RMDN2: variants seen among roughly 807,000 people sequenced by gnomAD.
The protein encoded by RMDN2 is regulator of microtubule dynamics protein 2.
Under a neutral mutation model 52.8 loss-of-function variants are expected in RMDN2, and 61 were observed. The ratio of observed to expected loss-of-function variants is 1.16; its 90% CI spans 0.94 to 1.43. The LOEUF (loss-of-function observed/expected upper bound fraction) is 1.43. Among genes scored for constraint, RMDN2 ranks in the 40% most tolerant of loss-of-function variants. RMDN2 has a pLI of 0.00. For synonymous variants in RMDN2, 180 were observed against 153.1 expected, an observed-to-expected ratio of 1.18 and a Z score of -1.30; for missense variants, 592 against 475.3, an observed-to-expected ratio of 1.25 and a Z score of -2.28.
chr2:37,923,418 C>T (rs1666087049), upstream of RMDN2: 2 of 152,212 alleles, frequency 1.3e-5, no homozygotes, highest in African/African-American at 4.8e-5. Context: ...AAAGCCTCTT[C>T]TGTGCAATGT....
At chr2:38,006,295 G>C (rs1237741574) in intron 10 of RMDN2, among the ~76,000 whole-genome samples, 3 of 152,112 alleles carry the variant, frequency 2.0e-5, no homozygotes, top group Non-Finnish European at 4.4e-5. Flanking sequence ...ACCTTGGTCA[G>C]TATGGCCATT....
At chr2:37,923,014 C>T (rs1157556935), upstream of RMDN2, among the ~76,000 whole-genome samples, 1 of 152,172 alleles carries the variant, frequency 6.6e-6, no homozygotes, top group Admixed American at 6.5e-5. Context: ...ATTGTCATGC[C>T]GTACTGGTTT....
intron 10 of RMDN2, among the ~76,000 whole-genome samples, chr2:38,022,987 G>T (rs1432909169): frequency 6.6e-6 from 1 of 152,174 alleles, no homozygotes. Context: ...GGCTGTTTAT[G>T]TTTAATTGAT....
chr2:37,951,222 C>T (rs1287396239), intron 2 of RMDN2: 4 of 1,543,646 alleles, frequency 2.6e-6, no homozygotes, highest in Middle Eastern at 1.7e-4. Context: ...TGACCCTTTT[C>T]TCACTCTTAG....
In RMDN2 at chr2:37,990,472, T is replaced by C. The variant is rs1322293673; in HGVS notation, c.868-748T>C. On this transcript the variant is annotated intron_variant, in intron 6 of 10. Transcript: ENST00000354545. ...AGGCGGAGGTTGCAGTGAGCCATGA[T>C]CATGCCACTGCACTCGAGCCTGGGC... Among the ~76,000 whole-genome samples the C allele has an allele frequency of 4.0e-5, 5 of 123,628 alleles. No individual in the cohort carries two copies. In the East Asian group the frequency reaches 1.4e-3, roughly 33 times the overall value. The allele number at this position is 123,628 out of a possible 152,430, so 81.1% of individuals were successfully genotyped here.
At chr2:38,020,072 C>G (rs964354555), downstream of RMDN2, among the ~76,000 whole-genome samples, 1 of 152,164 alleles carries the variant, frequency 6.6e-6, no homozygotes, top group Non-Finnish European at 1.5e-5. Context: ...TGGTCCCCAA[C>G]CTTTTTTGGC....
At chr2:37,978,869 G>A (rs1045705915) in intron 4 of RMDN2, among the ~76,000 whole-genome samples, 2 of 152,212 alleles carry the variant, frequency 1.3e-5, no homozygotes, top group African/African-American at 2.4e-5. Flanking sequence ...GATGGCAGAG[G>A]ATGGAGGTTG....
chr2:37,945,061 C>CAATA (rs1352743145), intron 2 of RMDN2, among the ~76,000 whole-genome samples: 2 of 152,176 alleles, frequency 1.3e-5, no homozygotes, highest in African/African-American at 4.8e-5. Flanking sequence ...TCTTGGGAAA[C>CAATA]TTTATTAAGC....
chr2:38,051,514 C>T (rs1681599369), intron 10 of RMDN2, among the ~76,000 whole-genome samples: 1 of 152,128 alleles, frequency 6.6e-6, no homozygotes, highest in Non-Finnish European at 1.5e-5. Flanking sequence ...TCACCTTTAA[C>T]ATTTGTCATT....
Position 37,929,620 on chromosome 2 carries a change from A to T in RMDN2, c.343A>T (p.Ile115Leu), listed in dbSNP as rs1208243427. The T allele has an allele frequency of 6.4e-7, 1 of 1,551,600 alleles. No homozygotes were observed. Among genetic ancestry groups the T allele is most frequent in the Admixed American group, 2.0e-5 (1 of 51,000 alleles). ...EYIQDELGGK[I>L]TVHKISPQHR... ...TATACAAGATGAACTTGGAGGGAAAATAACTGTTCATAAGATAAGCCCTCA... is the reference window on the plus strand; with the variant it reads ...TATACAAGATGAACTTGGAGGGAAATTAACTGTTCATAAGATAAGCCCTCA... The change falls in exon 2 of 11, where the codon ATA (isoleucine) becomes TTA (leucine). Residue 115 changes from isoleucine (I) to leucine (L), a missense_variant. Physicochemically the swap from Ile to Leu is conservative, Grantham distance 5. Transcript: ENST00000354545.
At chr2:37,971,091 C>G (rs1671751039) in intron 2 of RMDN2, among the ~76,000 whole-genome samples, 1 of 151,898 alleles carries the variant, frequency 6.6e-6, no homozygotes. Flanking sequence ...TCTTTTGTCA[C>G]TTGTGCTTAT....
At chr2:37,956,138 C>A (rs1669426392) in intron 2 of RMDN2, among the ~76,000 whole-genome samples, 6 of 152,166 alleles carry the variant, frequency 3.9e-5, no homozygotes, top group Admixed American at 3.9e-4. Flanking sequence ...TAATTGTTCT[C>A]CAGATGTTCT....
chr2:38,009,197 C>T (rs1315389608), intron 10 of RMDN2, among the ~76,000 whole-genome samples: 5 of 152,156 alleles, frequency 3.3e-5, no homozygotes, highest in Non-Finnish European at 7.3e-5. Flanking sequence ...AGTTAGTCTT[C>T]TCGAGGAGTA....
chr2:37,950,466 A>C, intron 2 of RMDN2: 2 of 1,611,362 alleles, frequency 1.2e-6, no homozygotes, highest in Non-Finnish European at 1.7e-6. Context: ...TTAACTCCAC[A>C]TGCAGCTTGA....
chr2:37,952,743 T>C (rs1668996693), intron 2 of RMDN2: 2 of 153,206 alleles, frequency 1.3e-5, no homozygotes, highest in Non-Finnish European at 2.9e-5. Context: ...AAATTAGAAG[T>C]TAAAAATATT....
chr2:38,024,582 G>A (rs1235136132), intron 10 of RMDN2, among the ~76,000 whole-genome samples: 1 of 152,022 alleles, frequency 6.6e-6, no homozygotes, highest in Non-Finnish European at 1.5e-5. Flanking sequence ...TATCTTTTAT[G>A]GTGAAGTATC....
At chr2:37,997,318 A>C in intron 7 of RMDN2, 98 bp from the exon 8 acceptor site, 1 of 761,040 alleles carries the variant, frequency 1.3e-6, no homozygotes, top group South Asian at 1.4e-5. Context: ...ACACACACAC[A>C]CGTATATACA....
intron 2 of RMDN2, chr2:37,952,166 A>G (rs1306391544): frequency 6.2e-7 from 1 of 1,613,286 alleles, no homozygotes; most frequent in South Asian, 1.1e-5. Flanking sequence ...TTCAAGATGA[A>G]GACAGATCTT....
At chr2:38,037,320 C>A (rs778076395) in intron 10 of RMDN2, among the ~76,000 whole-genome samples, 1 of 152,240 alleles carries the variant, frequency 6.6e-6, no homozygotes, top group Non-Finnish European at 1.5e-5. Flanking sequence ...TACTTAAATT[C>A]TCCCCAGACT....
Sources: gnomAD v4.1 joint callset for allele counts (sites outside exome capture counted in the v4.1 genomes callset) on GRCh38, gnomAD v4.1.1 for gene constraint, MANE v1.5 for transcripts, NCBI Gene and HGNC (gene_info 2026-07-23, HGNC 2026-07-21) for gene names.